The following DAPP1 variants were observed in gnomAD, a reference collection of about 807,000 sequenced individuals.
DAPP1 encodes the protein dual adapter for phosphotyrosine and 3-phosphotyrosine and 3-phosphoinositide.
A neutral mutation model predicts 41.5 loss-of-function variants in DAPP1; 20 were observed. The observed-to-expected ratio is 0.48, with a 90% confidence interval of 0.34 to 0.70. DAPP1 has a LOEUF of 0.70. DAPP1 is among the 30% of genes least tolerant of loss of function. The pLI, the probability that DAPP1 is intolerant of heterozygous loss-of-function variation, is 0.01. For synonymous variants in DAPP1, 113 were observed against 116.2 expected (o/e 0.97, Z 0.18); for missense variants, 233 against 333.4 (o/e 0.70, Z 2.35).
In DAPP1 at chr4:99,863,871, A is replaced by C; in HGVS notation, c.686+16A>C. 6.6e-7 allele frequency: 1 copy of C among 1,523,684 alleles called. No individual in the cohort carries two copies. The highest frequency in any genetic ancestry group is 8.9e-7 in the Non-Finnish European group (1 of 1,118,258). The allele number at this position is 1,523,684 out of a possible 1,614,324, so 94.4% of individuals were successfully genotyped here. ...ACTGTTTTTGGTAAGTTGTTTTATA[A>C]AGAAAACGTTTTTTAATGTCTTCTT... On this transcript the variant is annotated intron_variant, in intron 7 of 8. Coordinates refer to ENST00000512369, the MANE Select transcript of DAPP1 (RefSeq NM_014395.3).
chr4:99,857,801 T>A (rs1724100145), intron 4 of DAPP1, among the ~76,000 whole-genome samples: 1 of 152,068 alleles, frequency 6.6e-6, no homozygotes, highest in Non-Finnish European at 1.5e-5. Flanking sequence ...ATATTTAAAA[T>A]TTTTTTCATG....
chr4:99,858,588 C>T (rs1404760365), intron 4 of DAPP1, among the ~76,000 whole-genome samples: 3 of 152,156 alleles, frequency 2.0e-5, no homozygotes, highest in Non-Finnish European at 2.9e-5. Flanking sequence ...TAAGAATATT[C>T]TGTTACTTAT....
chr4:99,831,648 G>A (rs1045857400), intron 1 of DAPP1, among the ~76,000 whole-genome samples: 2 of 152,096 alleles, frequency 1.3e-5, no homozygotes, highest in African/African-American at 2.4e-5. Flanking sequence ...AAGAGGAATC[G>A]CTGGTCATAT....
rs1261670271 is a variant in DAPP1 at position 99,853,461 on chromosome 4, A to C, written c.489+113A>C. 2.2e-6 allele frequency: 3 copies of C among 1,392,576 alleles called. No individual in the cohort carries two copies. In the South Asian group the frequency reaches 4.3e-5, roughly 20 times the overall value. 86.3% of individuals were successfully genotyped at this position (1,392,576 alleles called of 1,614,324 possible). ...CATAAAAATTCTAGCTTGGAATATA[A>C]AACTTGGAAAGGAATGTGAGATTTG... On this transcript the variant is annotated intron_variant, in intron 4 of 8. Transcript: ENST00000512369.
chr4:99,862,811 T>C (rs1347314438), intron 5 of DAPP1, among the ~76,000 whole-genome samples, 199 bp from the exon 6 acceptor site: 2 of 152,180 alleles, frequency 1.3e-5, no homozygotes, highest in African/African-American at 2.4e-5. Context: ...TTGAGCTTAA[T>C]GCATGAAATT....
Position 99,870,159 on chromosome 4 carries a change from T to G in DAPP1, c.*1974T>G, listed in dbSNP as rs1390012784. 3 of 152,114 alleles carry G rather than the reference T, an allele frequency of 2.0e-5. No homozygotes were observed. Among genetic ancestry groups the G allele is most frequent in the African/African-American group, 7.2e-5 (3 of 41,404 alleles). The allele number at this position is 152,114 out of a possible 1,614,324, so 9.4% of individuals were successfully genotyped here. On this transcript the variant is annotated 3_prime_UTR_variant, in exon 9 of 9. Transcript: ENST00000512369. ...TGCTGTGCATGTACCATTTTGCTATTAAAATTTATTTTTAATATTTGTAAC... is the reference window on the plus strand; with the variant it reads ...TGCTGTGCATGTACCATTTTGCTATGAAAATTTATTTTTAATATTTGTAAC...
At chr4:99,841,223 G>A (rs1445496418) in intron 3 of DAPP1, among the ~76,000 whole-genome samples, 4 of 152,172 alleles carry the variant, frequency 2.6e-5, no homozygotes, top group East Asian at 1.9e-4. Context: ...TTGTACATAC[G>A]TGTTTTCTTG....
chr4:99,843,818 G>T lies in DAPP1; in HGVS notation c.358+3396G>T, dbSNP rs183256407. 1.5e-4 allele frequency among the ~76,000 whole-genome samples: 23 copies of T among 152,228 alleles called. No individual in the cohort carries two copies. In the East Asian group the frequency reaches 3.3e-3, roughly 22 times the overall value. ...GGGACTTTTGTCAGCTTTGCTTCCT[G>T]CTATGTCCCAGGACCTGAAAAAATA... On this transcript the variant is annotated intron_variant, in intron 3 of 8. Coordinates refer to ENST00000512369, the MANE Select transcript of DAPP1 (RefSeq NM_014395.3).
At chr4:99,841,626 A>T (rs2851037) in intron 3 of DAPP1, among the ~76,000 whole-genome samples, 110,265 of 152,056 alleles carry the variant, frequency 0.73, 40,427 homozygotes, top group African/African-American at 0.82. Flanking sequence ...TCAAATCCCT[A>T]CACTTCAGTC....
At chr4:99,833,013 G>T (rs1251022363) in intron 1 of DAPP1, among the ~76,000 whole-genome samples, 1 of 152,194 alleles carries the variant, frequency 6.6e-6, no homozygotes. Flanking sequence ...CACAAATGAA[G>T]TATTGCTTTA....
At chr4:99,841,755 C>T (rs1202212438) in intron 3 of DAPP1, among the ~76,000 whole-genome samples, 2 of 152,174 alleles carry the variant, frequency 1.3e-5, no homozygotes, top group Non-Finnish European at 2.9e-5. Context: ...TTTTGTATTT[C>T]ATATCCGCCA....
At chr4:99,819,604 C>A (rs926390494) in intron 1 of DAPP1, among the ~76,000 whole-genome samples, 1 of 152,078 alleles carries the variant, frequency 6.6e-6, no homozygotes, top group Non-Finnish European at 1.5e-5. Flanking sequence ...CTCTACCAAA[C>A]CTTCTGATTA....
chr4:99,825,964 G>A (rs1371842719), intron 1 of DAPP1, among the ~76,000 whole-genome samples: 5 of 152,158 alleles, frequency 3.3e-5, no homozygotes, highest in Non-Finnish European at 5.9e-5. Context: ...ATGGCATAGA[G>A]GGCCAAACAC....
chr4:99,841,078 G>A (rs1723479277), intron 3 of DAPP1, among the ~76,000 whole-genome samples: 2 of 152,122 alleles, frequency 1.3e-5, no homozygotes, highest in African/African-American at 2.4e-5. Flanking sequence ...TATCATCCCT[G>A]TATTTGTGAT....
At chr4:99,842,954 C>G (rs1193984631) in intron 3 of DAPP1, among the ~76,000 whole-genome samples, 1 of 148,914 alleles carries the variant, frequency 6.7e-6, no homozygotes. Context: ...CGGGTTCACG[C>G]CAGAAGTACA....
In DAPP1 at chr4:99,869,030, T is replaced by C. The variant is rs990838005; in HGVS notation, c.*845T>C. On this transcript the variant is annotated 3_prime_UTR_variant, in exon 9 of 9. Coordinates refer to ENST00000512369, the MANE Select transcript of DAPP1 (RefSeq NM_014395.3). ...TAGAGCACTTGTAAGCACTAAGTTA[T>C]CTTTATCCAACATTTCTCCAAATGG... 6.6e-6 allele frequency: 1 copy of C among 152,202 alleles called. No individual in the cohort carries two copies. The highest frequency in any genetic ancestry group is 2.4e-5 in the African/African-American group (1 of 41,458). 9.4% of individuals were successfully genotyped at this position (152,202 alleles called of 1,614,324 possible).
chr4:99,863,592 C>T (rs919954341), intron 6 of DAPP1, among the ~76,000 whole-genome samples, 178 bp from the exon 7 acceptor site: 2 of 152,088 alleles, frequency 1.3e-5, no homozygotes, highest in Non-Finnish European at 2.9e-5. Flanking sequence ...ATGAAAGGCT[C>T]ATTCCAAAAC....
At chr4:99,867,562 C>T (rs1164455589) in intron 8 of DAPP1, among the ~76,000 whole-genome samples, 1 of 152,186 alleles carries the variant, frequency 6.6e-6, no homozygotes, top group Non-Finnish European at 1.5e-5. Flanking sequence ...TGTACGGCTA[C>T]TTTGAAAAAT....
At chr4:99,819,376 C>A (rs76249858) in intron 1 of DAPP1, among the ~76,000 whole-genome samples, 1,711 of 152,290 alleles carry the variant, frequency 0.011, 39 homozygotes, top group African/African-American at 0.038. Flanking sequence ...CCACTATAGA[C>A]AATTTCAAGC....
Sources: gnomAD v4.1 joint callset for allele counts (sites outside exome capture counted in the v4.1 genomes callset) on GRCh38, gnomAD v4.1.1 for gene constraint, MANE v1.5 for transcripts, NCBI Gene and HGNC (gene_info 2026-07-23, HGNC 2026-07-21) for gene names.